The following SNTG1 variants were observed in gnomAD, a reference collection of about 807,000 sequenced individuals.
SNTG1 encodes syntrophin gamma 1.
Under a neutral mutation model 74.7 loss-of-function variants are expected in SNTG1, and 39 were observed. The ratio of observed to expected loss-of-function variants is 0.52; its 90% CI spans 0.40 to 0.68. SNTG1 has a LOEUF of 0.68. SNTG1 is among the 30% of genes least tolerant of loss of function. SNTG1 has a pLI of 0.00. For missense variants in SNTG1, 685 were observed against 609.5 expected (o/e 1.12, Z -1.30); for synonymous variants, 254 against 217.1 (o/e 1.17, Z -1.49).
At chr8:50,579,686 C>T (rs886498413) in intron 12 of SNTG1, among the ~76,000 whole-genome samples, 3 of 152,122 alleles carry the variant, frequency 2.0e-5, no homozygotes, top group African/African-American at 4.8e-5. Flanking sequence ...CAGTTCAGGC[C>T]GTTGCTTCAG....
At chr8:50,757,578 G>T (rs1257157025) in intron 18 of SNTG1, among the ~76,000 whole-genome samples, 5 of 151,672 alleles carry the variant, frequency 3.3e-5, no homozygotes, top group Non-Finnish European at 1.5e-5. Flanking sequence ...ATTGAAAGTG[G>T]ATTTCTTGCA....
chr8:50,730,241 T>A (rs1043122787), intron 17 of SNTG1, among the ~76,000 whole-genome samples: 1 of 152,130 alleles, frequency 6.6e-6, no homozygotes, highest in Non-Finnish European at 1.5e-5. Context: ...CATGCTTAGT[T>A]TTCTCTGCTA....
At chr8:50,249,039 C>T (rs985025796) in intron 2 of SNTG1, among the ~76,000 whole-genome samples, 1 of 152,068 alleles carries the variant, frequency 6.6e-6, no homozygotes, top group African/African-American at 2.4e-5. Context: ...GCATGGTACC[C>T]TGTATCTGTC....
intron 1 of SNTG1, among the ~76,000 whole-genome samples, chr8:49,978,111 G>A (rs1318706245): frequency 6.6e-6 from 1 of 152,222 alleles, no homozygotes; most frequent in South Asian, 2.1e-4. Context: ...ATGTTGAAAT[G>A]TAGGTCACTC....
chr8:50,268,959 T>C (rs1459024133), intron 2 of SNTG1, among the ~76,000 whole-genome samples: 15 of 152,074 alleles, frequency 9.9e-5, no homozygotes. Context: ...GCACCCAGCC[T>C]CAACCAGTTT....
intron 17 of SNTG1, among the ~76,000 whole-genome samples, chr8:50,745,014 C>G (rs2095552007): frequency 6.6e-6 from 1 of 151,862 alleles, no homozygotes. Context: ...TGCTATGACG[C>G]CGAAAGCTCA....
chr8:50,676,419 T>C (rs1464197398), intron 15 of SNTG1, among the ~76,000 whole-genome samples: 4 of 151,998 alleles, frequency 2.6e-5, no homozygotes, highest in Non-Finnish European at 5.9e-5. Flanking sequence ...GACTTGGCTA[T>C]TGATGCTTGT....
intron 15 of SNTG1, among the ~76,000 whole-genome samples, chr8:50,660,183 G>T (rs552713292): frequency 2.1e-5 from 3 of 143,974 alleles, no homozygotes; most frequent in Non-Finnish European, 4.5e-5. Context: ...ATTAGGGGAA[G>T]AAAAGAAAGA....
chr8:50,256,430 C>T (rs2086886268), intron 2 of SNTG1, among the ~76,000 whole-genome samples: 1 of 151,396 alleles, frequency 6.6e-6, no homozygotes, highest in South Asian at 2.1e-4. Context: ...AGCCTAAACA[C>T]CTTATTAATC....
intron 1 of SNTG1, among the ~76,000 whole-genome samples, chr8:50,079,695 A>G (rs963631572): frequency 6.6e-6 from 1 of 152,070 alleles, no homozygotes; most frequent in Non-Finnish European, 1.5e-5. Context: ...TTATGGTTTT[A>G]GGTTTTGCAT....
At chr8:50,353,006 T>A (rs2091710732) in intron 2 of SNTG1, among the ~76,000 whole-genome samples, 1 of 152,068 alleles carries the variant, frequency 6.6e-6, no homozygotes, top group Admixed American at 6.6e-5. Flanking sequence ...GAACCAACCC[T>A]AATGTCCCTC....
chr8:50,574,395 A>T (rs1419319549), intron 12 of SNTG1, among the ~76,000 whole-genome samples: 1 of 152,132 alleles, frequency 6.6e-6, no homozygotes, highest in Non-Finnish European at 1.5e-5. Flanking sequence ...TTGGTAAAAG[A>T]TATTTTTTAA....
At chr8:49,943,866 T>G (rs1296444619) in intron 1 of SNTG1, among the ~76,000 whole-genome samples, 1 of 152,228 alleles carries the variant, frequency 6.6e-6, no homozygotes, top group East Asian at 1.9e-4. Context: ...CACTTAAGTT[T>G]AAATGATTAG....
intron 15 of SNTG1, among the ~76,000 whole-genome samples, chr8:50,672,182 C>A (rs1239057436): frequency 6.6e-6 from 1 of 150,718 alleles, no homozygotes; most frequent in Non-Finnish European, 1.5e-5. Flanking sequence ...TACCCTAAAA[C>A]TTAAAGTATA....
At chr8:50,551,966 C>T (rs1029104129) in intron 11 of SNTG1, among the ~76,000 whole-genome samples, 1 of 152,104 alleles carries the variant, frequency 6.6e-6, no homozygotes, top group African/African-American at 2.4e-5. Context: ...GCCAGACATG[C>T]TCTATGGGGT....
intron 2 of SNTG1, among the ~76,000 whole-genome samples, chr8:50,249,571 A>G (rs1293834685): frequency 1.3e-5 from 2 of 152,214 alleles, no homozygotes; most frequent in East Asian, 3.9e-4. Flanking sequence ...GACCCTGACA[A>G]TTCAGAAGAG....
chr8:49,934,284 T>TATCG (rs1470951264), intron 1 of SNTG1, among the ~76,000 whole-genome samples: 194 of 5,598 alleles, frequency 0.035, no homozygotes, highest in African/African-American at 0.11. Context: ...TATATAGATC[T>TATCG]ATCTATCTAT....
intron 4 of SNTG1, among the ~76,000 whole-genome samples, chr8:50,435,518 G>C (rs544351621): frequency 1.3e-5 from 2 of 152,210 alleles, no homozygotes; most frequent in East Asian, 1.9e-4. Context: ...GGTGTAAGGG[G>C]ATAAAGTGGC....
chr8:50,336,530 C>T (rs560907207), intron 2 of SNTG1, among the ~76,000 whole-genome samples: 3 of 152,182 alleles, frequency 2.0e-5, no homozygotes, highest in Non-Finnish European at 2.9e-5. Flanking sequence ...TAACAAAAAC[C>T]TATTTATTTA....
Sources: gnomAD v4.1 joint callset for allele counts (sites outside exome capture counted in the v4.1 genomes callset) on GRCh38, gnomAD v4.1.1 for gene constraint, MANE v1.5 for transcripts, NCBI Gene and HGNC (gene_info 2026-07-23, HGNC 2026-07-21) for gene names.